GRIK5: variants seen among roughly 807,000 people sequenced by gnomAD.
GRIK5 encodes the protein glutamate ionotropic receptor kainate type subunit 5.
In GRIK5, 43 loss-of-function variants were observed where a neutral mutation model predicts 97.4. The ratio of observed to expected loss-of-function variants is 0.44; its 90% CI spans 0.35 to 0.57. GRIK5 has a LOEUF of 0.57. GRIK5 is among the 20% of genes least tolerant of loss of function. The pLI is 0.01. For missense variants in GRIK5, 1,015 were observed against 1,382.0 expected (o/e 0.73, Z 4.21); for synonymous variants, 580 against 583.5 (o/e 0.99, Z 0.09).
At chr19:42,068,687 CAG>C in intron 1 of GRIK5, 1 of 442,940 alleles carries the variant, frequency 2.3e-6, no homozygotes, top group South Asian at 5.0e-5. Flanking sequence ...GGAGTTCTGA[CAG>C]AGAGAGGGAT....
chr19:42,012,842 G>C (rs2075579893), intron 15 of GRIK5, among the ~76,000 whole-genome samples: 1 of 151,418 alleles, frequency 6.6e-6, no homozygotes, highest in South Asian at 2.1e-4. Context: ...ACTCCAGCCT[G>C]GGCAACAGAG....
At position 41,999,046 on chromosome 19, in the gene GRIK5, G is replaced by T. The variant is rs1555870187; in HGVS notation, c.2768C>A (p.Ala923Asp). Residue 923 changes from alanine to aspartate, a missense_variant, in exon 20 of 20, where the codon GCC (alanine) becomes GAC (aspartate). By Grantham distance (126) the Ala-to-Asp change is moderately radical (BLOSUM62 -2). Around this residue, in one of 5 missense-constraint regions of GRIK5, gnomAD observed 109 missense variants for 100.4 expected, o/e 1.09. Transcript: ENST00000593562. The surrounding 1 kb of genome is among the most constrained non-coding windows in gnomAD (Gnocchi z 5.0). ...PGPPSGARPA[A>D]PTPCTHVRVC... ...GCGCACGTGGGTGCAGGGGGTGGGGGCGGCGGGTCGGGCTCCGCTGGGGGG... is the reference window on the plus strand; with the variant it reads ...GCGCACGTGGGTGCAGGGGGTGGGGTCGGCGGGTCGGGCTCCGCTGGGGGG... The T allele has an allele frequency of 8.1e-7, 1 of 1,236,672 alleles. No homozygotes were observed. Among genetic ancestry groups the T allele is most frequent in the Non-Finnish European group, 1.0e-6 (1 of 991,918 alleles). 76.6% of individuals were successfully genotyped at this position (1,236,672 alleles called of 1,614,324 possible).
At chr19:42,048,476 C>T (rs1219662519) in intron 11 of GRIK5, among the ~76,000 whole-genome samples, 4 of 151,956 alleles carry the variant, frequency 2.6e-5, no homozygotes, top group South Asian at 2.1e-4. Context: ...AAAAATTAGC[C>T]GGGCGTGGTG....
chr19:42,069,027 C>T (rs2076384517), intron 1 of GRIK5: 8 of 504,758 alleles, frequency 1.6e-5, no homozygotes, highest in East Asian at 6.6e-5. Flanking sequence ...GGGCCAGGGG[C>T]GGCAGTGAGC....
At position 42,022,385 on chromosome 19, in the gene GRIK5, G is replaced by T; in HGVS notation, c.1474-31C>A. ...GGAGGGGAAGCCGGGCAGGGGTGGAGGGGGACAGAGGGGAAGACAGAAGTG... is the reference window on the plus strand; with the variant it reads ...GGAGGGGAAGCCGGGCAGGGGTGGATGGGGACAGAGGGGAAGACAGAAGTG... On this transcript the variant is annotated intron_variant, in intron 12 of 19. Transcript: ENST00000593562. The surrounding 1 kb of genome is among the most constrained non-coding windows in gnomAD (Gnocchi z 4.2). 6.3e-7 allele frequency: 1 copy of T among 1,575,088 alleles called. No homozygotes were observed. The highest frequency in any genetic ancestry group is 8.7e-7 in the Non-Finnish European group (1 of 1,147,604).
In GRIK5 at chr19:42,056,734, G is replaced by A; in HGVS notation, c.831C>T (p.Tyr277=). Residue 277 remains tyrosine (Y), a synonymous_variant, in exon 8 of 20, where the codon TAC becomes TAT. Transcript: ENST00000593562. ...TGTTGAGGCTGCGGACAAACTCAGG[G>A]TAGAAGGGGTGGGACGTGTTGAACA... The part of the protein sequence containing the change: ...FSMFNTSHPF[Y]PEFVRSLNMS... 6.2e-7 allele frequency: 1 copy of A among 1,614,074 alleles called. No individual in the cohort carries two copies. Among genetic ancestry groups the A allele is most frequent in the East Asian group, 2.2e-5 (1 of 44,890 alleles).
At chr19:42,043,831 G>A (rs963462158) in intron 11 of GRIK5, among the ~76,000 whole-genome samples, 3 of 152,138 alleles carry the variant, frequency 2.0e-5, no homozygotes, top group Non-Finnish European at 4.4e-5. Context: ...AGGATTGCTT[G>A]AGCCCGAGTT....
At chr19:42,020,847 C>G (rs1425039186) in intron 15 of GRIK5, among the ~76,000 whole-genome samples, 2 of 152,178 alleles carry the variant, frequency 1.3e-5, no homozygotes, top group African/African-American at 4.8e-5. Flanking sequence ...GGGCAACCAG[C>G]AGCCCTCAGG....
At chr19:42,067,958 A>G (rs1003563377) in intron 1 of GRIK5, among the ~76,000 whole-genome samples, 2 of 152,200 alleles carry the variant, frequency 1.3e-5, no homozygotes, top group Non-Finnish European at 2.9e-5. Flanking sequence ...CAAAGGTGAG[A>G]GGCAAGGAGG....
In GRIK5 at chr19:42,062,705, G is replaced by A. The variant is rs757783245; in HGVS notation, c.343-52C>T. On this transcript the variant is annotated intron_variant, in intron 4 of 19. Coordinates refer to ENST00000593562, the MANE Select transcript of GRIK5 (RefSeq NM_002088.5). This position sits in a 1 kb window ranked among gnomAD's most constrained non-coding sequence, Gnocchi z 5.3. ...CATCCTGCTTCTCCGCCCAGCCCTCGCCTCCCAGGGACCCGCTCCCCACAA... is the reference window on the plus strand; with the variant it reads ...CATCCTGCTTCTCCGCCCAGCCCTCACCTCCCAGGGACCCGCTCCCCACAA... 15 of 1,612,072 alleles carry A rather than the reference G, an allele frequency of 9.3e-6. No individual in the cohort carries two copies. The highest frequency in any genetic ancestry group is 1.3e-5 in the African/African-American group (1 of 74,818).
At chr19:42,032,290 C>T (rs1356455825) in intron 12 of GRIK5, among the ~76,000 whole-genome samples, 1 of 152,168 alleles carries the variant, frequency 6.6e-6, no homozygotes, top group African/African-American at 2.4e-5. Context: ...TTATATTTGG[C>T]CTTTGAGATG....
At chr19:42,013,068 C>T (rs1236199254) in intron 15 of GRIK5, among the ~76,000 whole-genome samples, 1 of 151,666 alleles carries the variant, frequency 6.6e-6, no homozygotes, top group Non-Finnish European at 1.5e-5. Context: ...AAAATATTTA[C>T]TTAGGGCCAG....
chr19:42,049,540 G>A (rs939790352), intron 11 of GRIK5, among the ~76,000 whole-genome samples: 19 of 152,160 alleles, frequency 1.2e-4, no homozygotes, highest in African/African-American at 7.2e-5. Flanking sequence ...CACACAGTAC[G>A]ATGCCATTTA....
intron 6 of GRIK5, among the ~76,000 whole-genome samples, chr19:42,058,940 G>A (rs527293940): frequency 2.0e-5 from 3 of 151,894 alleles, no homozygotes; most frequent in Non-Finnish European, 2.9e-5. Context: ...GATCTGACTC[G>A]GGGCCAGGCA....
At chr19:42,023,974 G>C (rs947671361) in intron 12 of GRIK5, among the ~76,000 whole-genome samples, 1 of 152,206 alleles carries the variant, frequency 6.6e-6, no homozygotes, top group Non-Finnish European at 1.5e-5. Flanking sequence ...GGGCTCAGCT[G>C]CCCTGCCAGC....
intron 12 of GRIK5, among the ~76,000 whole-genome samples, chr19:42,026,592 C>T (rs978775701): frequency 1.3e-5 from 2 of 149,592 alleles, no homozygotes; most frequent in South Asian, 2.1e-4. Flanking sequence ...TTTTTGGAGA[C>T]GGAGTCTCAC....
chr19:42,014,349 G>C (rs941349809), intron 15 of GRIK5, among the ~76,000 whole-genome samples: 4 of 149,592 alleles, frequency 2.7e-5, no homozygotes, highest in African/African-American at 9.9e-5. Flanking sequence ...AGCTGAGATC[G>C]TGCTGTTGCA....
rs759805774 is a variant in GRIK5 at position 42,056,615 on chromosome 19, A to T, written c.903+47T>A. 5 of 1,571,128 alleles carry T rather than the reference A, an allele frequency of 3.2e-6. No individual in the cohort carries two copies. In the Admixed American group the frequency reaches 8.4e-5, roughly 26 times the overall value. ...AGGTCTGAAAGGGGGCCCCAGAAGT[A>T]TCTGTGCAGAGTGTTTCTGGGTGTG... On this transcript the variant is annotated intron_variant, in intron 8 of 19. Transcript: ENST00000593562.
chr19:42,042,591 G>A lies in GRIK5; in HGVS notation c.1434C>T (p.Asn478=), dbSNP rs369899067. 2.3e-5 allele frequency: 37 copies of A among 1,611,892 alleles called. No individual in the cohort carries two copies. Among genetic ancestry groups the A allele is most frequent in the Middle Eastern group, 1.6e-4 (1 of 6,076 alleles). The part of the protein sequence containing the change: ...EDGLYGAPEP[N]GSWTGMVGEL... ...CGCCAACCATGCCCGTCCAGGAGCC[G>A]TTGGGCTCGGGCGCCCCGTACAGCC... Residue 478 remains asparagine (N), a synonymous_variant, in exon 12 of 20, where the codon AAC becomes AAT. Transcript: ENST00000593562. This position sits in a 1 kb window ranked among gnomAD's most constrained non-coding sequence, Gnocchi z 6.9.
Sources: allele counts gnomAD v4.1 joint callset (sites outside exome capture counted in the v4.1 genomes callset), GRCh38; gene constraint gnomAD v4.1.1; regional missense constraint gnomAD v4.1.1; non-coding constraint Gnocchi (gnomAD v3.1); transcripts MANE v1.5; gene names NCBI Gene and HGNC (gene_info 2026-07-23, HGNC 2026-07-21).